The following TMPRSS2 variants were observed in gnomAD, a reference collection of about 807,000 sequenced individuals.
TMPRSS2 encodes the protein transmembrane serine protease 2, also known as transmembrane protease serine 2.
A neutral mutation model predicts 67.4 loss-of-function variants in TMPRSS2; 59 were observed. The ratio of observed to expected loss-of-function variants is 0.88; its 90% confidence interval spans 0.71 to 1.09. The LOEUF (loss-of-function observed/expected upper bound fraction) is 1.09, where lower values mean the gene tolerates loss of function less well. Ranked by LOEUF, TMPRSS2 falls within the 50% of genes least tolerant of loss-of-function variation. The pLI is 0.00. For synonymous variants in TMPRSS2, 257 were observed against 257.0 expected (o/e 1.00, Z 0.00); for missense variants, 668 against 642.7 (o/e 1.04, Z -0.43).
At chr21:41,470,930 T>C (rs572143040) in intron 10 of TMPRSS2, among the ~76,000 whole-genome samples, 187 bp from the exon 11 acceptor site, 27 of 152,294 alleles carry the variant, frequency 1.8e-4, no homozygotes, top group African/African-American at 6.0e-4. Flanking sequence ...GGCAAGACGT[T>C]ATGCTACTTA....
At chr21:41,502,488 C>T (rs1386759248) in intron 1 of TMPRSS2, 6 of 985,282 alleles carry the variant, frequency 6.1e-6, no homozygotes, top group Non-Finnish European at 7.2e-6. Flanking sequence ...ACTCAGTGCC[C>T]CTTCTTCAAA....
chr21:41,467,871 G>A lies in TMPRSS2; in HGVS notation c.1330C>T (p.Pro444Ser). ...VDSCQGDSGGPLVTSKNNIWW... is the reference protein window; with the variant it reads ...VDSCQGDSGGSLVTSKNNIWW... ...ATATTGTTCTTCGAAGTGACCAGAGGCCCTCCACTGTCACCCTGTGGGACA... is the reference window on the plus strand; with the variant it reads ...ATATTGTTCTTCGAAGTGACCAGAGACCCTCCACTGTCACCCTGTGGGACA... Residue 444 changes from proline (P) to serine (S), a missense_variant, in exon 13 of 14, where the codon CCT becomes TCT. Coordinates refer to ENST00000332149, the MANE Select transcript of TMPRSS2 (RefSeq NM_005656.4). 9.3e-6 allele frequency: 15 copies of A among 1,614,156 alleles called. No individual in the cohort carries two copies. The highest frequency in any genetic ancestry group is 1.3e-5 in the Non-Finnish European group (15 of 1,180,028).
Position 41,465,740 on chromosome 21 carries a change from ACCTGGCTGTCTC to A in TMPRSS2, c.*390_*401del, listed in dbSNP as rs1001114096. Reference sequence around the variant, plus strand: ...CCAGAGGGCAGCCGCTGCAGGTGCCACCTGGCTGTCTCCCTTTCCATGTCTCTCCTTTTTCAT... The same window carrying A: ...CCAGAGGGCAGCCGCTGCAGGTGCCACCTTTCCATGTCTCTCCTTTTTCAT... On this transcript the variant is annotated 3_prime_UTR_variant, in exon 14 of 14. Coordinates refer to ENST00000332149, the MANE Select transcript of TMPRSS2 (RefSeq NM_005656.4). The A allele has an allele frequency of 1.2e-4, 32 of 272,298 alleles. No homozygotes were observed. The highest frequency in any genetic ancestry group is 6.5e-4 in the African/African-American group (30 of 46,440). The allele number at this position is 272,298 out of a possible 1,614,324, so 16.9% of individuals were successfully genotyped here.
chr21:41,495,582 G>A (rs1257080256), intron 2 of TMPRSS2, among the ~76,000 whole-genome samples: 2 of 146,684 alleles, frequency 1.4e-5, no homozygotes, highest in Non-Finnish European at 3.0e-5. Flanking sequence ...TGGAGATCAC[G>A]TCACTACACT....
chr21:41,466,685 C>T (rs1259384266), intron 13 of TMPRSS2, among the ~76,000 whole-genome samples: 1 of 152,218 alleles, frequency 6.6e-6, no homozygotes, highest in East Asian at 1.9e-4. Context: ...TTGAAGGAGA[C>T]ACAGGTCGGG....
rs139015396 is a variant in TMPRSS2 at position 41,468,055 on chromosome 21, C to T, written c.1315-169G>A. ...GGGGTGATGGTAACAGAGATGTAAC[C>T]CCCAAAGAGATAGCCCCCATCCTGA... On this transcript the variant is annotated intron_variant, in intron 12 of 13. Transcript: ENST00000332149. The T allele has an allele frequency of 1.3e-3, 929 of 689,238 alleles. 6 individuals are homozygous for T. In the African/African-American group the frequency reaches 0.015, roughly 11 times the overall value. The allele number at this position is 689,238 out of a possible 1,614,324, so 42.7% of individuals were successfully genotyped here.
At chr21:41,489,692 ATAAT>A in intron 3 of TMPRSS2, 99 bp from the exon 4 acceptor site, 1 of 730,110 alleles carries the variant, frequency 1.4e-6, no homozygotes, top group Non-Finnish European at 2.3e-6. Flanking sequence ...ACATTAAGAA[ATAAT>A]TATTTCATAT....
intron 2 of TMPRSS2, 63 bp downstream of exon 2, chr21:41,498,056 G>T: frequency 7.8e-7 from 1 of 1,284,092 alleles, no homozygotes; most frequent in Non-Finnish European, 1.1e-6. Flanking sequence ...AAACAATGTT[G>T]GGAATAACAG....
chr21:41,464,713 G>C lies in TMPRSS2; in HGVS notation c.*1429C>G. 3 of 233,294 alleles carry C rather than the reference G, an allele frequency of 1.3e-5. No homozygotes were observed. The highest frequency in any genetic ancestry group is 2.5e-5 in the Non-Finnish European group (3 of 118,060). 14.5% of individuals were successfully genotyped at this position (233,294 alleles called of 1,614,324 possible). A position where few individuals can be genotyped will look rare whatever the true frequency, so the allele number is the denominator to read the frequency against. The stretch of plus-strand genomic sequence containing the variant: ...TTTTCACCATTACAACACCTTTTAG[G>C]ATGTGTCTTGGGGAGCAAGCACCTT... On this transcript the variant is annotated 3_prime_UTR_variant, in exon 14 of 14. Transcript: ENST00000332149.
intron 9 of TMPRSS2, among the ~76,000 whole-genome samples, chr21:41,472,190 A>C (rs2091140014): frequency 7.4e-6 from 1 of 135,968 alleles, no homozygotes; most frequent in Admixed American, 7.9e-5. Context: ...CCCCCACATC[A>C]TCCTTCTTTC....
intron 1 of TMPRSS2, among the ~76,000 whole-genome samples, chr21:41,505,139 C>T (rs1836713026): frequency 1.3e-5 from 2 of 152,174 alleles, no homozygotes; most frequent in African/African-American, 4.8e-5. Flanking sequence ...TGAACAAGCA[C>T]TCCATTGACC....
chr21:41,502,377 C>T (rs1167039750), intron 1 of TMPRSS2: 1 of 984,940 alleles, frequency 1.0e-6, no homozygotes, highest in African/African-American at 1.7e-5. Flanking sequence ...ACTGACCTCA[C>T]CGTGCACCAT....
rs955939933 is a variant in TMPRSS2 at position 41,465,886 on chromosome 21, T to C, written c.*256A>G. On this transcript the variant is annotated 3_prime_UTR_variant, in exon 14 of 14. Coordinates refer to ENST00000332149, the MANE Select transcript of TMPRSS2 (RefSeq NM_005656.4). Reference sequence around the variant, plus strand: ...AATGGGGCAGCCTCCACCCCTCTCCTCCACACTTGACCGCCAGTGCCCACA... The same window carrying C: ...AATGGGGCAGCCTCCACCCCTCTCCCCCACACTTGACCGCCAGTGCCCACA... 15 of 572,504 alleles carry C rather than the reference T, an allele frequency of 2.6e-5. No homozygotes were observed. The African/African-American group carries it at 2.9e-4, about 11-fold the overall frequency. The allele number at this position is 572,504 out of a possible 1,614,324, so 35.5% of individuals were successfully genotyped here. A position where few individuals can be genotyped will look rare whatever the true frequency, so the allele number is the denominator to read the frequency against.
intron 8 of TMPRSS2, 22 bp from the exon 9 acceptor site, chr21:41,473,518 C>T: frequency 6.3e-7 from 1 of 1,595,188 alleles, no homozygotes; most frequent in Non-Finnish European, 8.5e-7. Context: ...AAACAGGAGG[C>T]CAGTGGGGTG....
At position 41,488,393 on chromosome 21, in the gene TMPRSS2, C is replaced by A; in HGVS notation, c.445+1G>T. ...CCTTCCCAAGGTCAAGGCTGACTCA[C>A]CACACCGATTCTCGTCCTCCCCGCC... is the stretch of plus-strand genomic sequence containing the variant. On this transcript the variant is annotated splice_donor_variant, in intron 5 of 13. Coordinates refer to ENST00000332149, the MANE Select transcript of TMPRSS2 (RefSeq NM_005656.4). LOFTEE classifies it high-confidence loss of function. 1 of 1,611,796 alleles carries A rather than the reference C, an allele frequency of 6.2e-7. No individual in the cohort carries two copies. Among genetic ancestry groups the A allele is most frequent in the South Asian group, 1.1e-5 (1 of 90,984 alleles).
At chr21:41,483,947 CA>C (rs1273996666) in intron 5 of TMPRSS2, among the ~76,000 whole-genome samples, 1 of 151,868 alleles carries the variant, frequency 6.6e-6, no homozygotes, top group Non-Finnish European at 1.5e-5. Context: ...CCATCTCCAC[CA>C]AAAAATATAA....
intron 3 of TMPRSS2, among the ~76,000 whole-genome samples, chr21:41,494,102 A>G (rs186425543): frequency 2.0e-5 from 3 of 152,340 alleles, no homozygotes; most frequent in East Asian, 1.9e-4. Context: ...AGAACAGGCA[A>G]AGCTGTACAG....
intron 12 of TMPRSS2, 83 bp downstream of exon 12, chr21:41,468,313 T>A: frequency 1.3e-6 from 2 of 1,555,250 alleles, no homozygotes; most frequent in Non-Finnish European, 8.8e-7. Context: ...GAGGCTCTGC[T>A]GACCCCAAGA....
intron 11 of TMPRSS2, among the ~76,000 whole-genome samples, chr21:41,470,390 G>A (rs1046926683): frequency 6.6e-6 from 1 of 152,168 alleles, no homozygotes; most frequent in African/African-American, 2.4e-5. Context: ...CTCTAAACTC[G>A]TATGGCCCAG....
Sources: gnomAD v4.1 joint callset for allele counts (sites outside exome capture counted in the v4.1 genomes callset) on GRCh38, gnomAD v4.1.1 for gene constraint, MANE v1.5 for transcripts, NCBI Gene and HGNC (gene_info 2026-07-23, HGNC 2026-07-21) for gene names.